The following GART variants were observed in gnomAD, a reference collection of about 807,000 sequenced individuals.
GART encodes phosphoribosylglycinamide formyltransferase, phosphoribosylglycinamide synthetase, phosphoribosylaminoimidazole synthetase, also known as trifunctional purine biosynthetic protein adenosine-3.
Under a neutral mutation model 107.2 loss-of-function variants are expected in GART, and 43 were observed. The ratio of observed to expected loss-of-function variants is 0.40; its 90% CI spans 0.31 to 0.52. The LOEUF (loss-of-function observed/expected upper bound fraction) is 0.52, where lower values mean the gene tolerates loss of function less well. GART is among the 20% of genes least tolerant of loss of function. The pLI, the probability that GART is intolerant of heterozygous loss-of-function variation, is 0.52. For missense variants in GART, 1,107 were observed against 1,206.5 expected, an observed-to-expected ratio of 0.92 and a Z score of 1.22; for synonymous variants, 434 against 427.0, an observed-to-expected ratio of 1.02 and a Z score of -0.20.
chr21:33,511,551 C>T (rs2084786466), intron 16 of GART, 93 bp from the exon 17 acceptor site: 2 of 1,279,922 alleles, frequency 1.6e-6, no homozygotes, highest in Non-Finnish European at 2.3e-6. Flanking sequence ...AAATTATAAT[C>T]AGGCTCTGCT....
rs536347811 is a variant in GART at position 33,506,485 on chromosome 21, C to T, written c.2453-381G>A. 7.9e-5 allele frequency among the ~76,000 whole-genome samples: 12 copies of T among 152,236 alleles called. No individual in the cohort carries two copies. In the South Asian group the frequency reaches 2.5e-3, roughly 32 times the overall value. On this transcript the variant is annotated intron_variant, in intron 18 of 21. Transcript: ENST00000381815. Reference sequence around the variant, plus strand: ...GAGATGTGCCATTTTGAATAGGGGACAGTCAAATTTTCTGAATAAATGTCT... The same window carrying T: ...GAGATGTGCCATTTTGAATAGGGGATAGTCAAATTTTCTGAATAAATGTCT...
At chr21:33,516,412 T>G (rs1242959918) in intron 16 of GART, among the ~76,000 whole-genome samples, 1 of 152,202 alleles carries the variant, frequency 6.6e-6, no homozygotes. Context: ...TATTACTACG[T>G]GCAAATAATC....
intron 10 of GART, among the ~76,000 whole-genome samples, chr21:33,525,826 C>CATCTG (rs2085062980): frequency 6.6e-6 from 1 of 151,292 alleles, no homozygotes; most frequent in Non-Finnish European, 1.5e-5. Context: ...AAAAATCCTG[C>CATCTG]ATCTGATCAC....
chr21:33,516,901 G>T (rs1342687080), intron 16 of GART, 88 bp downstream of exon 16: 3 of 1,143,022 alleles, frequency 2.6e-6, no homozygotes, highest in African/African-American at 1.5e-5. Flanking sequence ...GTGTAATCAT[G>T]TGTACATTAA....
intron 17 of GART, among the ~76,000 whole-genome samples, chr21:33,510,614 G>A (rs1404789177): frequency 6.6e-6 from 1 of 152,178 alleles, no homozygotes; most frequent in East Asian, 1.9e-4. Flanking sequence ...ACAGGCGTGA[G>A]CCACCACGCC....
At chr21:33,524,698 T>C in intron 11 of GART, 71 bp downstream of exon 11, 1 of 1,598,836 alleles carries the variant, frequency 6.3e-7, no homozygotes, top group Non-Finnish European at 8.5e-7. Flanking sequence ...ATAGGGTTAA[T>C]GAAATGTTCT....
chr21:33,539,936 C>T (rs373213034), intron 1 of GART, among the ~76,000 whole-genome samples: 23 of 152,302 alleles, frequency 1.5e-4, no homozygotes, highest in Middle Eastern at 3.4e-3. Flanking sequence ...CTCTGGGCTT[C>T]ACTTCAAAAA....
At chr21:33,538,261 A>AAAG in intron 2 of GART, among the ~76,000 whole-genome samples, 1 of 151,602 alleles carries the variant, frequency 6.6e-6, no homozygotes, top group African/African-American at 2.4e-5. Flanking sequence ...AAAAAAAAAA[A>AAAG]AGTCAGAGAG....
rs1459082300 is a variant in GART, at chr21:33,505,627, T to C, written c.2659A>G (p.Ile887Val). 3 of 1,612,686 alleles carry C rather than the reference T, an allele frequency of 1.9e-6. No individual in the cohort carries two copies. The Admixed American group carries it at 5.0e-5, about 27-fold the overall frequency. ...AIDLVLEEFS[I>V]DIVCLAGFMR... is the part of the protein sequence containing the mutation. ...AATCCTGCAAGACAGACTATGTCTA[T>C]GGAGAACTCTTCAAGGACTAGGTCA... Residue 887 changes from isoleucine (I) to valine (V), a missense_variant, in exon 20 of 22, where the codon ATA becomes GTA. Ile to Val is a conservative substitution (Grantham distance 29, BLOSUM62 3). Transcript: ENST00000381815.
At chr21:33,526,211 T>C (rs1329056750) in intron 10 of GART, among the ~76,000 whole-genome samples, 2 of 151,470 alleles carry the variant, frequency 1.3e-5, no homozygotes, top group Admixed American at 1.3e-4. Flanking sequence ...CTCTGTCACC[T>C]AGGCTGGAGT....
chr21:33,512,216 G>A lies in GART; in HGVS notation c.2108-758C>T, dbSNP rs181403087. Among the ~76,000 whole-genome samples the A allele has an allele frequency of 3.6e-4, 53 of 149,056 alleles. No homozygotes were observed. In the East Asian group the frequency reaches 0.01, roughly 29 times the overall value. On this transcript the variant is annotated intron_variant, in intron 16 of 21. Coordinates refer to ENST00000381815, the MANE Select transcript of GART (RefSeq NM_000819.5). ...GGAGAATCACTTAAACCTGGGAGGT[G>A]GAGGTTGCAGTGGGCCGAGATGGTA...
chr21:33,521,665 AT>A, intron 12 of GART, among the ~76,000 whole-genome samples: 1 of 149,994 alleles, frequency 6.7e-6, no homozygotes. Context: ...AAGTAATTAA[AT>A]ACTAAAGGAC....
rs755529955 is a variant in GART at position 33,506,062 on chromosome 21, T to A, written c.2495A>T (p.Asn832Ile). The change falls in exon 19 of 22, where the codon AAT becomes ATT. Residue 832 changes from asparagine to isoleucine, a missense_variant. Physicochemically the swap from Asn to Ile is moderately radical, Grantham distance 149. Coordinates refer to ENST00000381815, the MANE Select transcript of GART (RefSeq NM_000819.5). ...AACAATATCAATTTGTGCAGAGCTA[T>A]TTGGTTCCCGAGTACTGTCTATAAG... ...QALIDSTREPNSSAQIDIVIS... is the reference protein window; with the variant it reads ...QALIDSTREPISSAQIDIVIS... The A allele has an allele frequency of 1.9e-6, 3 of 1,614,162 alleles. 1 individual carries two copies. In the South Asian group the frequency reaches 3.3e-5, roughly 18 times the overall value.
chr21:33,531,766 C>A (rs560061612), intron 5 of GART: 8 of 512,392 alleles, frequency 1.6e-5, no homozygotes, highest in Non-Finnish European at 2.7e-5. Context: ...CTGGTACAGA[C>A]GGAATAAACA....
chr21:33,537,550 A>G (rs2085328265), intron 2 of GART, among the ~76,000 whole-genome samples: 1 of 152,334 alleles, frequency 6.6e-6, no homozygotes, highest in Non-Finnish European at 1.5e-5. Flanking sequence ...ACAGACATTC[A>G]TGATCATAAA....
chr21:33,523,206 T>A (rs1298886692), intron 11 of GART, among the ~76,000 whole-genome samples: 1 of 152,266 alleles, frequency 6.6e-6, no homozygotes. Flanking sequence ...GAAATATGTG[T>A]TTTTATAGAA....
Position 33,528,833 on chromosome 21 carries a change from A to C in GART, c.811+17T>G, listed in dbSNP as rs2085126246. 2 of 1,560,928 alleles carry C rather than the reference A, an allele frequency of 1.3e-6. No individual in the cohort carries two copies. Among genetic ancestry groups the C allele is most frequent in the African/African-American group, 2.7e-5 (2 of 73,642 alleles). On this transcript the variant is annotated intron_variant, in intron 8 of 21. Coordinates refer to ENST00000381815, the MANE Select transcript of GART (RefSeq NM_000819.5). ...TTACTCTATAGGTGGCTTCCATAGTAATGTGGGTGGGCCTACCTGTATATG... is the reference window on the plus strand; with the variant it reads ...TTACTCTATAGGTGGCTTCCATAGTCATGTGGGTGGGCCTACCTGTATATG...
At chr21:33,505,769 T>G (rs2084667649) in intron 19 of GART, 67 bp from the exon 20 acceptor site, 2 of 1,429,346 alleles carry the variant, frequency 1.4e-6, no homozygotes, top group Non-Finnish European at 1.9e-6. Context: ...AAACTCAACC[T>G]TTACACAGAC....
intron 14 of GART, 87 bp from the exon 15 acceptor site, chr21:33,517,695 A>G: frequency 7.6e-7 from 1 of 1,322,180 alleles, no homozygotes; most frequent in Non-Finnish European, 1.1e-6. Flanking sequence ...TAACATGAAC[A>G]ACTAACACAT....
Sources: allele counts gnomAD v4.1 joint callset (sites outside exome capture counted in the v4.1 genomes callset), GRCh38; gene constraint gnomAD v4.1.1; transcripts MANE v1.5; gene names NCBI Gene and HGNC (gene_info 2026-07-23, HGNC 2026-07-21).